Variants in CACNA2D3 observed in about 807,000 individuals in gnomAD.
CACNA2D3 encodes the protein calcium voltage-gated channel auxiliary subunit alpha2delta 3, also known as voltage-dependent calcium channel subunit alpha-2/delta-3.
A neutral mutation model predicts 160.6 loss-of-function variants in CACNA2D3; 60 were observed. The ratio of observed to expected loss-of-function variants is 0.37; its 90% CI spans 0.30 to 0.46. The LOEUF (loss-of-function observed/expected upper bound fraction) is 0.46. Among genes scored for constraint, CACNA2D3 ranks in the 20% least tolerant of loss-of-function variants. The pLI, the probability that CACNA2D3 is intolerant of heterozygous loss-of-function variation, is 1.00. For synonymous variants in CACNA2D3, 558 were observed against 492.9 expected (o/e 1.13, Z -1.75); for missense variants, 1,205 against 1,365.0 (o/e 0.88, Z 1.85).
intron 3 of CACNA2D3, among the ~76,000 whole-genome samples, chr3:54,348,484 G>A (rs1575408889): frequency 6.6e-6 from 1 of 152,288 alleles, no homozygotes; most frequent in Non-Finnish European, 1.5e-5. Flanking sequence ...TGTGTTTCAA[G>A]TTAGAAAATG....
chr3:55,059,377 A>G (rs1288963169), intron 35 of CACNA2D3, among the ~76,000 whole-genome samples: 7 of 152,216 alleles, frequency 4.6e-5, no homozygotes, highest in Non-Finnish European at 7.3e-5. Flanking sequence ...ACACATTTCC[A>G]CATGAGATGT....
intron 17 of CACNA2D3, among the ~76,000 whole-genome samples, chr3:54,870,426 A>G (rs1699499260): frequency 6.6e-6 from 1 of 152,220 alleles, no homozygotes; most frequent in South Asian, 2.1e-4. Context: ...AAAGTGAAAA[A>G]GAAAGCAGTA....
At chr3:54,872,109 C>T (rs1399708129) in intron 18 of CACNA2D3, among the ~76,000 whole-genome samples, 1 of 152,196 alleles carries the variant, frequency 6.6e-6, no homozygotes, top group African/African-American at 2.4e-5. Context: ...CACTTTTCTC[C>T]TGCTTGGTCG....
intron 11 of CACNA2D3, among the ~76,000 whole-genome samples, chr3:54,710,113 C>T (rs950212418): frequency 3.9e-5 from 6 of 152,144 alleles, no homozygotes; most frequent in African/African-American, 1.4e-4. Flanking sequence ...TTGTGGAGCA[C>T]CTATTGTGTA....
At chr3:54,699,916 A>C (rs970902256) in intron 11 of CACNA2D3, among the ~76,000 whole-genome samples, 1 of 152,216 alleles carries the variant, frequency 6.6e-6, no homozygotes, top group South Asian at 2.1e-4. Context: ...AACCCAAACT[A>C]TGCCAACCCA....
At chr3:54,871,697 GGA>G in intron 18 of CACNA2D3, 75 bp downstream of exon 18, 1 of 1,203,638 alleles carries the variant, frequency 8.3e-7, no homozygotes, top group Non-Finnish European at 1.2e-6. Flanking sequence ...GGCGATCCCA[GGA>G]GTTGGCCAAG....
chr3:54,504,016 T>C (rs1701331958), intron 5 of CACNA2D3, among the ~76,000 whole-genome samples: 1 of 152,208 alleles, frequency 6.6e-6, no homozygotes, highest in African/African-American at 2.4e-5. Flanking sequence ...ATGGCTGTGT[T>C]CCAGTGAAAT....
At chr3:54,123,213 G>T (rs1039837079) in intron 1 of CACNA2D3, among the ~76,000 whole-genome samples, 1 of 152,024 alleles carries the variant, frequency 6.6e-6, no homozygotes, top group African/African-American at 2.4e-5. Flanking sequence ...GTGATGCCCA[G>T]TTTGGGGGGT....
intron 4 of CACNA2D3, among the ~76,000 whole-genome samples, chr3:54,465,600 C>G (rs9855450): frequency 0.99 from 150,956 of 152,260 alleles, 74,847 homozygotes; most frequent in Middle Eastern, 1. Context: ...AAACTGCTCA[C>G]TTATGACCAC....
At chr3:54,873,034 G>T (rs759418970) in intron 18 of CACNA2D3, among the ~76,000 whole-genome samples, 4 of 151,976 alleles carry the variant, frequency 2.6e-5, no homozygotes, top group Non-Finnish European at 4.4e-5. Context: ...CTGCTTGCCG[G>T]ATGTTTGTCT....
intron 4 of CACNA2D3, among the ~76,000 whole-genome samples, chr3:54,454,898 C>T (rs777731228): frequency 6.6e-6 from 1 of 152,024 alleles, no homozygotes; most frequent in Non-Finnish European, 1.5e-5. Context: ...CCTTCAGGCT[C>T]ATCCATGTTG....
chr3:54,312,550 C>A (rs1466748021), intron 2 of CACNA2D3, among the ~76,000 whole-genome samples: 1 of 152,180 alleles, frequency 6.6e-6, no homozygotes, highest in Non-Finnish European at 1.5e-5. Context: ...AAAAAACCAA[C>A]CCAAACGTAT....
At chr3:55,045,549 T>G (rs1352092912) in intron 35 of CACNA2D3, among the ~76,000 whole-genome samples, 1 of 152,214 alleles carries the variant, frequency 6.6e-6, no homozygotes, top group East Asian at 1.9e-4. Context: ...GTAGAAAAAG[T>G]TGTAGCTATG....
intron 2 of CACNA2D3, among the ~76,000 whole-genome samples, chr3:54,297,591 G>A (rs1032752937): frequency 6.6e-6 from 1 of 151,956 alleles, no homozygotes; most frequent in African/African-American, 2.4e-5. Flanking sequence ...CCTGTTTTGA[G>A]TTTGCTGAAT....
At chr3:54,542,054 T>A (rs1187504183) in intron 5 of CACNA2D3, among the ~76,000 whole-genome samples, 1 of 151,890 alleles carries the variant, frequency 6.6e-6, no homozygotes, top group Non-Finnish European at 1.5e-5. Context: ...ATGAGAGTTT[T>A]TTTTGTTGTT....
chr3:54,581,995 GC>G (rs1702685988), intron 9 of CACNA2D3, 118 bp downstream of exon 9: 2 of 710,642 alleles, frequency 2.8e-6, no homozygotes. Context: ...GGCCCTTGGA[GC>G]CCCCATGTGT....
At chr3:54,384,571 C>T (rs1483065044) in intron 3 of CACNA2D3, among the ~76,000 whole-genome samples, 2 of 152,124 alleles carry the variant, frequency 1.3e-5, no homozygotes, top group African/African-American at 4.8e-5. Context: ...AGAGAGTGAC[C>T]CAATGAACGC....
intron 35 of CACNA2D3, among the ~76,000 whole-genome samples, chr3:55,055,064 A>G (rs1370974879): frequency 6.6e-6 from 1 of 152,068 alleles, no homozygotes; most frequent in Non-Finnish European, 1.5e-5. Context: ...TAGAGTTTAA[A>G]CAAGTCTTTT....
intron 35 of CACNA2D3, among the ~76,000 whole-genome samples, chr3:55,026,152 A>G (rs1703560047): frequency 6.6e-6 from 1 of 152,114 alleles, no homozygotes; most frequent in Non-Finnish European, 1.5e-5. Context: ...CCACAGGATA[A>G]CCACTCTCTT....
Sources: gnomAD v4.1 joint callset for allele counts (sites outside exome capture counted in the v4.1 genomes callset) on GRCh38, gnomAD v4.1.1 for gene constraint, MANE v1.5 for transcripts, NCBI Gene and HGNC (gene_info 2026-07-23, HGNC 2026-07-21) for gene names.